FAR2: variants seen among roughly 807,000 people sequenced by gnomAD.
FAR2 encodes the protein epididymis secretory protein Li 81.
Under a neutral mutation model 56.0 loss-of-function variants are expected in FAR2, and 19 were observed. The ratio of observed to expected loss-of-function variants is 0.34; its 90% CI spans 0.24 to 0.50. The LOEUF (loss-of-function observed/expected upper bound fraction) is 0.50. FAR2 is among the 20% of genes least tolerant of loss of function. FAR2 has a pLI of 0.98. For synonymous variants in FAR2, 219 were observed against 218.8 expected (o/e 1.00, Z -0.01); for missense variants, 508 against 642.2 (o/e 0.79, Z 2.26).
chr12:29,185,693 A>C (rs1044279717), intron 1 of FAR2, among the ~76,000 whole-genome samples: 3 of 152,212 alleles, frequency 2.0e-5, no homozygotes, highest in Admixed American at 2.0e-4. Context: ...TGCCTTTGAC[A>C]TGGGATAATA....
At chr12:29,214,831 G>GATAATA (rs112736046) in intron 1 of FAR2, among the ~76,000 whole-genome samples, 14 of 149,888 alleles carry the variant, frequency 9.3e-5, no homozygotes, top group African/African-American at 3.2e-4. Flanking sequence ...AAAATAAAAT[G>GATAATA]ATAATAATAA....
chr12:29,321,042 A>G (rs761059265), intron 9 of FAR2, among the ~76,000 whole-genome samples: 2 of 152,208 alleles, frequency 1.3e-5, no homozygotes, highest in Non-Finnish European at 2.9e-5. Context: ...ATACTTTGTG[A>G]AAGTATCAGG....
chr12:29,193,826 C>G (rs181929920), intron 1 of FAR2, among the ~76,000 whole-genome samples: 184 of 152,280 alleles, frequency 1.2e-3, no homozygotes, highest in African/African-American at 4.2e-3. Flanking sequence ...AACTGCCAAA[C>G]TGTATTCCAA....
chr12:29,295,792 C>T lies in FAR2; in HGVS notation c.366-1229C>T, dbSNP rs545649431. On this transcript the variant is annotated intron_variant, in intron 3 of 11. Transcript: ENST00000536681. ...TTTTTTTTTTTTTGAGACGGAGTCT[C>T]GCTCTGTCGCCCAGGCCGGACTGCG... Among the ~76,000 whole-genome samples, 298 of 115,268 alleles carry T rather than the reference C, an allele frequency of 2.6e-3. 1 individual carries two copies. The highest frequency in any genetic ancestry group is 3.4e-3 in the Non-Finnish European group (208 of 61,418). 75.6% of individuals were successfully genotyped at this position (115,268 alleles called of 152,430 possible).
intron 1 of FAR2, among the ~76,000 whole-genome samples, chr12:29,241,651 A>G (rs944827075): frequency 1.3e-5 from 2 of 152,180 alleles, no homozygotes; most frequent in African/African-American, 4.8e-5. Context: ...TTTTTAAAAG[A>G]CGTATGAAAT....
intron 4 of FAR2, among the ~76,000 whole-genome samples, chr12:29,297,562 G>T (rs1325974159): frequency 1.3e-5 from 2 of 152,222 alleles, no homozygotes; most frequent in Non-Finnish European, 2.9e-5. Flanking sequence ...GATTCAGACT[G>T]ACGTGAGTTT....
intron 8 of FAR2, 89 bp from the exon 9 acceptor site, chr12:29,316,752 T>C: frequency 7.8e-7 from 1 of 1,287,366 alleles, no homozygotes. Context: ...CCTTCGTCTT[T>C]ATTGTTTTGA....
chr12:29,199,533 G>T (rs1457296559), intron 1 of FAR2, among the ~76,000 whole-genome samples: 25 of 150,704 alleles, frequency 1.7e-4, no homozygotes, highest in African/African-American at 5.6e-4. Flanking sequence ...CCGGGAGGCG[G>T]AGCTTGCAGT....
chr12:29,297,621 CCT>C (rs1309203435), intron 4 of FAR2, among the ~76,000 whole-genome samples: 1 of 152,104 alleles, frequency 6.6e-6, no homozygotes, highest in African/African-American at 2.4e-5. Context: ...AATTCCTTGC[CCT>C]CTCTGAGCCC....
At chr12:29,328,748 G>A (rs1489032141) in intron 10 of FAR2, among the ~76,000 whole-genome samples, 3 of 145,522 alleles carry the variant, frequency 2.1e-5, no homozygotes, top group Admixed American at 6.9e-5. Context: ...GTTGTGGAGT[G>A]GGGGGAGGGG....
At chr12:29,160,563 T>C (rs1270198723) in intron 1 of FAR2, among the ~76,000 whole-genome samples, 1 of 152,210 alleles carries the variant, frequency 6.6e-6, no homozygotes, top group Non-Finnish European at 1.5e-5. Context: ...CCCAATGTAT[T>C]CATTTGCTAG....
intron 1 of FAR2, among the ~76,000 whole-genome samples, chr12:29,156,067 A>C (rs1949724215): frequency 6.6e-6 from 1 of 151,800 alleles, no homozygotes; most frequent in South Asian, 2.1e-4. Flanking sequence ...TGGTTACTAG[A>C]GGTTGAAGGC....
chr12:29,228,231 C>T (rs1947800807), intron 1 of FAR2, among the ~76,000 whole-genome samples: 1 of 151,456 alleles, frequency 6.6e-6, no homozygotes, highest in Non-Finnish European at 1.5e-5. Flanking sequence ...AATAGTCCTA[C>T]ATTGCAGCCT....
At chr12:29,268,825 A>G (rs1450144822) in intron 1 of FAR2, among the ~76,000 whole-genome samples, 1 of 152,140 alleles carries the variant, frequency 6.6e-6, no homozygotes, top group Non-Finnish European at 1.5e-5. Flanking sequence ...GAGACATCAC[A>G]TGTCGGTAGG....
chr12:29,205,068 A>G (rs11050125), intron 1 of FAR2, among the ~76,000 whole-genome samples: 12,577 of 152,240 alleles, frequency 0.083, 746 homozygotes, highest in East Asian at 0.3. Context: ...TGGTCCATTT[A>G]TGATATCAAA....
At chr12:29,155,999 A>C (rs1949723394) in intron 1 of FAR2, among the ~76,000 whole-genome samples, 1 of 152,152 alleles carries the variant, frequency 6.6e-6, no homozygotes, top group Admixed American at 6.6e-5. Context: ...GCATCATCTC[A>C]TTTTTAGGTG....
intron 4 of FAR2, among the ~76,000 whole-genome samples, chr12:29,301,442 T>C (rs984140566): frequency 2.6e-5 from 4 of 152,226 alleles, no homozygotes; most frequent in African/African-American, 9.6e-5. Flanking sequence ...TTTTCCAGAA[T>C]AACAGCTTAT....
At chr12:29,314,264 T>A (rs1207774864) in intron 8 of FAR2, among the ~76,000 whole-genome samples, 1 of 152,132 alleles carries the variant, frequency 6.6e-6, no homozygotes, top group Non-Finnish European at 1.5e-5. Context: ...ATTCATTCAC[T>A]CCTGTATTCA....
chr12:29,219,212 A>G (rs979829445), intron 1 of FAR2, among the ~76,000 whole-genome samples: 2 of 152,114 alleles, frequency 1.3e-5, no homozygotes, highest in African/African-American at 4.8e-5. Flanking sequence ...TATACCCCAG[A>G]TAGGTACTAT....
Sources: gnomAD v4.1 joint callset for allele counts (sites outside exome capture counted in the v4.1 genomes callset) on GRCh38, gnomAD v4.1.1 for gene constraint, MANE v1.5 for transcripts, NCBI Gene and HGNC (gene_info 2026-07-23, HGNC 2026-07-21) for gene names.